Variants in POLR3B observed in about 807,000 individuals in gnomAD.
The protein encoded by POLR3B is RNA polymerase III subunit B, also known as DNA-directed RNA polymerase III subunit RPC2.
A neutral mutation model predicts 147.4 loss-of-function variants in POLR3B; 96 were observed. The ratio of observed to expected loss-of-function variants is 0.65; its 90% CI spans 0.55 to 0.77. The LOEUF is 0.77. POLR3B is among the 30% of genes least tolerant of loss of function. The pLI is 0.00. For missense variants in POLR3B, 1,036 were observed against 1,413.5 expected, an observed-to-expected ratio of 0.73 and a Z score of 4.28; for synonymous variants, 461 against 485.9, an observed-to-expected ratio of 0.95 and a Z score of 0.67.
At chr12:106,485,272 A>T (rs1168275693) in intron 23 of POLR3B, among the ~76,000 whole-genome samples, 2 of 152,166 alleles carry the variant, frequency 1.3e-5, no homozygotes, top group Non-Finnish European at 2.9e-5. Context: ...AATGGCATTA[A>T]TCCATTCATG....
intron 23 of POLR3B, among the ~76,000 whole-genome samples, chr12:106,474,638 C>G (rs1345431705): frequency 6.8e-5 from 10 of 147,262 alleles, no homozygotes; most frequent in Non-Finnish European, 1.2e-4. Flanking sequence ...TCTAGATTTT[C>G]TAGTTTATTT....
At chr12:106,359,609 G>A (rs955549732) in intron 1 of POLR3B, among the ~76,000 whole-genome samples, 2 of 152,278 alleles carry the variant, frequency 1.3e-5, no homozygotes, top group Admixed American at 6.5e-5. Context: ...GATTACAAGC[G>A]TGAGCCACCG....
chr12:106,400,678 A>G (rs1317823937), intron 10 of POLR3B, among the ~76,000 whole-genome samples: 1 of 152,224 alleles, frequency 6.6e-6, no homozygotes, highest in Non-Finnish European at 1.5e-5. Context: ...AACTCACTCA[A>G]AACCGCTCAA....
In POLR3B at chr12:106,509,866, C is replaced by A. The variant is rs143084704; in HGVS notation, c.*317C>A. The A allele has an allele frequency of 7.2e-5, 19 of 262,820 alleles. 1 individual carries two copies. Among genetic ancestry groups the A allele is most frequent in the African/African-American group, 4.0e-4 (18 of 45,444 alleles). 16.3% of individuals were successfully genotyped at this position (262,820 alleles called of 1,614,324 possible). ...TCTTGACATTCACTCATTAGAAGAC[C>A]TTACTCCTTCAAGCAAATGTTTGGG... On this transcript the variant is annotated 3_prime_UTR_variant, in exon 28 of 28. Transcript: ENST00000228347.
intron 1 of POLR3B, chr12:106,358,257 G>GACCCTCGCAC: frequency 7.5e-7 from 1 of 1,335,334 alleles, no homozygotes; most frequent in Non-Finnish European, 9.6e-7. Context: ...CGCACTTACT[G>GACCCTCGCAC]TGGGGGACGT....
chr12:106,458,983 T>C (rs1439080897), intron 21 of POLR3B, among the ~76,000 whole-genome samples: 1 of 152,174 alleles, frequency 6.6e-6, no homozygotes, highest in Non-Finnish European at 1.5e-5. Flanking sequence ...CTCATGTTCA[T>C]GTAGTACTCT....
At chr12:106,462,351 G>A (rs1474806363) in intron 22 of POLR3B, among the ~76,000 whole-genome samples, 2 of 152,156 alleles carry the variant, frequency 1.3e-5, no homozygotes, top group African/African-American at 2.4e-5. Context: ...GGATTCAAGC[G>A]ATTCTCTTGC....
At chr12:106,459,965 T>C (rs2037913023) in intron 22 of POLR3B, among the ~76,000 whole-genome samples, 1 of 152,182 alleles carries the variant, frequency 6.6e-6, no homozygotes, top group South Asian at 2.1e-4. Flanking sequence ...CCAATGATAG[T>C]CACCACATTG....
At position 106,363,875 on chromosome 12, in the gene POLR3B, AT is replaced by A; in HGVS notation, c.79del (p.Trp27GlyfsTer8). Reference protein sequence around the residue: ...AAPIPTVEEKWRLLPAFLKVK... With the variant: ...AAPIPTVEEKXRLLPAFLKVK... ...CTTCTTGTTTTGGCTCACAGGAAAA[AT>A]GGAGGCTGCTTCCAGCATTTTTAAA... On this transcript the variant is annotated frameshift_variant, in exon 2 of 28. Coordinates refer to ENST00000228347, the MANE Select transcript of POLR3B (RefSeq NM_018082.6). LOFTEE classifies it high-confidence loss of function. 6.2e-7 allele frequency: 1 copy of A among 1,608,422 alleles called. No individual in the cohort carries two copies. The highest frequency in any genetic ancestry group is 1.1e-5 in the South Asian group (1 of 90,690).
In POLR3B at chr12:106,437,770, C is replaced by T; in HGVS notation, c.1946C>T (p.Thr649Ile). The T allele has an allele frequency of 6.4e-7, 1 of 1,558,728 alleles. No homozygotes were observed. ...NDCNIALYEH[T>I]INKDTTHLEI... is the part of the protein sequence containing the mutation. ...TGTAACATTGCACTGTACGAACACACAATTAATAAGTAAGTAGGATCCATA... is the reference window on the plus strand; with the variant it reads ...TGTAACATTGCACTGTACGAACACATAATTAATAAGTAAGTAGGATCCATA... The change falls in exon 18 of 28, where the codon ACA becomes ATA. Residue 649 changes from threonine (T) to isoleucine (I), a missense_variant. Physicochemically the swap from Thr to Ile is moderately conservative, Grantham distance 89. Coordinates refer to ENST00000228347, the MANE Select transcript of POLR3B (RefSeq NM_018082.6).
At chr12:106,420,571 T>G (rs1329406740) in intron 12 of POLR3B, among the ~76,000 whole-genome samples, 1 of 152,198 alleles carries the variant, frequency 6.6e-6, no homozygotes, top group Non-Finnish European at 1.5e-5. Context: ...TCAAAAAGTT[T>G]TTAAATGTTT....
chr12:106,362,892 A>G (rs2036488086), intron 1 of POLR3B, among the ~76,000 whole-genome samples: 2 of 151,832 alleles, frequency 1.3e-5, no homozygotes, highest in African/African-American at 2.4e-5. Context: ...TATGTGCTCT[A>G]TGTGGACATT....
At chr12:106,376,226 TTCTC>T in intron 6 of POLR3B, 129 bp from the exon 7 acceptor site, 2 of 696,388 alleles carry the variant, frequency 2.9e-6, no homozygotes, top group Admixed American at 2.2e-5. Flanking sequence ...TAATTGCTAT[TTCTC>T]TGCCTTTTCT....
At chr12:106,431,792 G>T (rs2037514584) in intron 14 of POLR3B, among the ~76,000 whole-genome samples, 1 of 152,072 alleles carries the variant, frequency 6.6e-6, no homozygotes, top group African/African-American at 2.4e-5. Context: ...TAGTTGTCAT[G>T]TCTCCTTGTC....
At chr12:106,376,709 C>T (rs1180032743) in intron 7 of POLR3B, among the ~76,000 whole-genome samples, 5 of 151,362 alleles carry the variant, frequency 3.3e-5, no homozygotes, top group African/African-American at 2.4e-5. Flanking sequence ...CCTCTGCCTC[C>T]CAGGCTCAAG....
chr12:106,509,422 G>A lies in POLR3B; in HGVS notation c.3275G>A (p.Cys1092Tyr). The change falls in exon 28 of 28, where the codon TGC becomes TAC. Residue 1092 changes from cysteine to tyrosine, a missense_variant and splice_region_variant. Around this residue, in one of 12 missense-constraint regions of POLR3B, gnomAD observed 69 missense variants for 89.8 expected, o/e 0.77. Coordinates refer to ENST00000228347, the MANE Select transcript of POLR3B (RefSeq NM_018082.6). ...QCGLLGYSGWCHYCKSSCHVS... is the reference protein window; with the variant it reads ...QCGLLGYSGWYHYCKSSCHVS... The stretch of plus-strand genomic sequence containing the variant: ...ACGCTTGCTGACTTGCGTTTCAGGT[G>A]CCATTACTGCAAGTCATCCTGCCAC... The A allele has an allele frequency of 6.2e-7, 1 of 1,613,674 alleles. No individual in the cohort carries two copies. The highest frequency in any genetic ancestry group is 8.5e-7 in the Non-Finnish European group (1 of 1,179,718).
At chr12:106,453,456 C>A (rs1490670292) in intron 19 of POLR3B, among the ~76,000 whole-genome samples, 1 of 151,868 alleles carries the variant, frequency 6.6e-6, no homozygotes, top group Non-Finnish European at 1.5e-5. Flanking sequence ...TTAGGTACTT[C>A]GGAGTGTGTG....
intron 19 of POLR3B, among the ~76,000 whole-genome samples, chr12:106,445,712 A>G (rs2037713621): frequency 2.0e-5 from 3 of 152,164 alleles, no homozygotes; most frequent in Non-Finnish European, 4.4e-5. Context: ...TATGATTGCC[A>G]TCTCTGATTT....
chr12:106,463,356 A>G, intron 22 of POLR3B, 122 bp from the exon 23 acceptor site: 1 of 848,134 alleles, frequency 1.2e-6, no homozygotes, highest in Admixed American at 2.4e-5. Context: ...GTCATTTTTC[A>G]GAGCCCAAGA....
Sources: allele counts gnomAD v4.1 joint callset (sites outside exome capture counted in the v4.1 genomes callset), GRCh38; gene constraint gnomAD v4.1.1; regional missense constraint gnomAD v4.1.1; transcripts MANE v1.5; gene names NCBI Gene and HGNC (gene_info 2026-07-23, HGNC 2026-07-21).